Variants in PBK observed in about 807,000 individuals in gnomAD.
PBK encodes lymphokine-activated killer T-cell-originated protein kinase.
PBK carries 22 observed loss-of-function variants against 33.5 expected under a neutral mutation model. The observed-to-expected ratio is 0.66, with a 90% confidence interval of 0.47 to 0.94. PBK has a LOEUF of 0.94. PBK is among the 40% of genes least tolerant of loss of function. The pLI, the probability that PBK is intolerant of heterozygous loss-of-function variation, is 0.00. For synonymous variants in PBK, 129 were observed against 123.8 expected, an observed-to-expected ratio of 1.04 and a Z score of -0.28; for missense variants, 376 against 383.4, an observed-to-expected ratio of 0.98 and a Z score of 0.16.
Position 27,828,347 on chromosome 8 carries a change from T to C in PBK, c.59-149A>G, listed in dbSNP as rs1585433004. On this transcript the variant is annotated intron_variant, in intron 2 of 7. Transcript: ENST00000301905. Reference sequence around the variant, plus strand: ...CATATATCCTAATTTTAAATGGGTATCTTTTGACCAAGCCTACTTTTGGAG... The same window carrying C: ...CATATATCCTAATTTTAAATGGGTACCTTTTGACCAAGCCTACTTTTGGAG... The C allele has an allele frequency of 6.8e-6, 3 of 440,662 alleles. No homozygotes were observed. In the East Asian group the frequency reaches 1.0e-4, roughly 15 times the overall value. 27.3% of individuals were successfully genotyped at this position (440,662 alleles called of 1,614,324 possible). A position where few individuals can be genotyped will look rare whatever the true frequency, so the allele number is the denominator to read the frequency against.
Position 27,810,316 on chromosome 8 carries a change from T to C in PBK, c.958A>G (p.Thr320Ala). The part of the protein sequence containing the change: ...SAAHIVEALE[T>A]DV ...AGCTGAGATGATCACTAGACATCTG[T>C]TTCCAGAGCTTCAACAATGTGTGCA... The change falls in exon 8 of 8, where the codon ACA becomes GCA. Residue 320 changes from threonine (T) to alanine (A), a missense_variant. Physicochemically the swap from Thr to Ala is moderately conservative, Grantham distance 58. Transcript: ENST00000301905. The C allele has an allele frequency of 6.2e-7, 1 of 1,610,460 alleles. No homozygotes were observed. The highest frequency in any genetic ancestry group is 8.5e-7 in the Non-Finnish European group (1 of 1,176,872).
At chr8:27,814,103 A>G (rs554360338) in intron 6 of PBK, among the ~76,000 whole-genome samples, 26 of 152,026 alleles carry the variant, frequency 1.7e-4, no homozygotes, top group African/African-American at 5.8e-4. Flanking sequence ...TTATTCCTCT[A>G]TTTTCTGAAA....
chr8:27,810,392 A>C lies in PBK; in HGVS notation c.882T>G (p.Ile294Met). The C allele has an allele frequency of 6.2e-7, 1 of 1,609,260 alleles. No homozygotes were observed. The highest frequency in any genetic ancestry group is 8.5e-7 in the Non-Finnish European group (1 of 1,175,602). Reference protein sequence around the residue: ...EELDESYQKVIELFSVCTNED... With the variant: ...EELDESYQKVMELFSVCTNED... The stretch of plus-strand genomic sequence containing the variant: ...CATTAGTGCATACAGAGAAGAGTTC[A>C]ATTACTTTCTGGTATGATTCATCCA... Residue 294 changes from isoleucine (I) to methionine (M), a missense_variant, in exon 8 of 8, where the codon ATT becomes ATG. Physicochemically the swap from Ile to Met is conservative, Grantham distance 10. Coordinates refer to ENST00000301905, the MANE Select transcript of PBK (RefSeq NM_018492.4).
intron 5 of PBK, 40 bp from the exon 6 acceptor site, chr8:27,820,734 C>A: frequency 1.7e-6 from 2 of 1,190,100 alleles, no homozygotes; most frequent in Non-Finnish European, 2.4e-6. Context: ...TGCAGAAACA[C>A]AAACTAATAA....
intron 6 of PBK, among the ~76,000 whole-genome samples, chr8:27,812,997 G>T (rs1049630338): frequency 5.9e-5 from 9 of 152,160 alleles, no homozygotes; most frequent in African/African-American, 2.2e-4. Flanking sequence ...TAGAAATCAT[G>T]CTACTATAAA....
At position 27,810,517 on chromosome 8, in the gene PBK, G is replaced by T; in HGVS notation, c.773-16C>A. ...AAAGTTTTATCTTGAAGGAGTTAGA[G>T]ATTGAAACAATAAACAAAATCACTT... On this transcript the variant is annotated splice_polypyrimidine_tract_variant and intron_variant, in intron 7 of 7. Coordinates refer to ENST00000301905, the MANE Select transcript of PBK (RefSeq NM_018492.4). 1 of 1,496,822 alleles carries T rather than the reference G, an allele frequency of 6.7e-7. No individual in the cohort carries two copies. Among genetic ancestry groups the T allele is most frequent in the Non-Finnish European group, 9.2e-7 (1 of 1,084,018 alleles). 92.7% of individuals were successfully genotyped at this position (1,496,822 alleles called of 1,614,324 possible). A position where few individuals can be genotyped will look rare whatever the true frequency, so the allele number is the denominator to read the frequency against.
Position 27,811,096 on chromosome 8 carries a change from A to G in PBK, c.634T>C (p.Trp212Arg). 1.2e-6 allele frequency: 2 copies of G among 1,613,864 alleles called. No homozygotes were observed. The highest frequency in any genetic ancestry group is 1.1e-5 in the South Asian group (1 of 91,078). ...PEACYIGTEP[W>R]KPKEAVEENG... Reference sequence around the variant, plus strand: ...TCCTCCACAGCTTCTTTGGGTTTCCATGGCTCTGTGCCAATGTAACAAGCC... The same window carrying G: ...TCCTCCACAGCTTCTTTGGGTTTCCGTGGCTCTGTGCCAATGTAACAAGCC... The change falls in exon 7 of 8, where the codon TGG becomes CGG. Residue 212 changes from tryptophan to arginine, a missense_variant. Trp to Arg is a moderately radical substitution (Grantham distance 101, BLOSUM62 -3). Transcript: ENST00000301905.
chr8:27,821,699 T>C (rs1024602660), intron 5 of PBK, among the ~76,000 whole-genome samples: 1 of 152,194 alleles, frequency 6.6e-6, no homozygotes, highest in African/African-American at 2.4e-5. Flanking sequence ...TTTCAAAAGA[T>C]ACCACAATTT....
intron 3 of PBK, among the ~76,000 whole-genome samples, chr8:27,824,693 C>T (rs1176136184): frequency 6.6e-6 from 1 of 152,052 alleles, no homozygotes. Context: ...CAATCTTATA[C>T]AAACTGTTTC....
intron 7 of PBK, 140 bp downstream of exon 7, chr8:27,810,816 CTA>C (rs767410503): frequency 1.7e-5 from 11 of 649,890 alleles, no homozygotes; most frequent in Non-Finnish European, 2.9e-5. Context: ...TATTCTCAAT[CTA>C]TGTCTCATTT....
At chr8:27,812,757 A>G (rs2128961260) in intron 6 of PBK, 1 of 152,332 alleles carries the variant, frequency 6.6e-6, no homozygotes, top group South Asian at 2.1e-4. Flanking sequence ...ATGCAAATCA[A>G]AACCACAATG....
rs765614594 is a variant in PBK, at chr8:27,820,705, A to G, written c.466-11T>C. 1 of 1,480,224 alleles carries G rather than the reference A, an allele frequency of 6.8e-7. No homozygotes were observed. Among genetic ancestry groups the G allele is most frequent in the East Asian group, 2.3e-5 (1 of 43,706 alleles). 91.7% of individuals were successfully genotyped at this position (1,480,224 alleles called of 1,614,324 possible). ...TTCTTGGTGCAGATACTAAAATAGT[A>G]AAAAATTTAACACATATGTGCAGAA... On this transcript the variant is annotated splice_polypyrimidine_tract_variant and intron_variant, in intron 5 of 7. Transcript: ENST00000301905.
chr8:27,826,500 G>A (rs1485144220), intron 3 of PBK, among the ~76,000 whole-genome samples: 1 of 108,918 alleles, frequency 9.2e-6, no homozygotes, highest in African/African-American at 4.3e-5. Context: ...CAGGAGGAGT[G>A]TAGGGTCAGG....
chr8:27,810,235 G>A lies in PBK; in HGVS notation c.*70C>T. On this transcript the variant is annotated 3_prime_UTR_variant, in exon 8 of 8. Transcript: ENST00000301905. ...CCAATTTTAGAGTCTAATAACTACT[G>A]ATAGTAACTATGTAAATATTTTGGA... The A allele has an allele frequency of 4.8e-6, 5 of 1,043,088 alleles. No individual in the cohort carries two copies. Among genetic ancestry groups the A allele is most frequent in the South Asian group, 4.0e-5 (3 of 74,648 alleles). 64.6% of individuals were successfully genotyped at this position (1,043,088 alleles called of 1,614,324 possible). A position where few individuals can be genotyped will look rare whatever the true frequency, so the allele number is the denominator to read the frequency against.
rs1805855133 is a variant in PBK, at chr8:27,818,205, G to C, written c.595+2360C>G. Among the ~76,000 whole-genome samples, 3 of 152,250 alleles carry C rather than the reference G, an allele frequency of 2.0e-5. No individual in the cohort carries two copies. The South Asian group carries it at 6.2e-4, about 32-fold the overall frequency. ...TGTTGTAAGTCACTGAAGTTTTTGA[G>C]GTCTGTGTTACCACAGCAAAACCTA... is the stretch of plus-strand genomic sequence containing the variant. On this transcript the variant is annotated intron_variant, in intron 6 of 7. Transcript: ENST00000301905.
At chr8:27,831,036 AG>A (rs1427558499) in intron 2 of PBK, among the ~76,000 whole-genome samples, 1 of 152,212 alleles carries the variant, frequency 6.6e-6, no homozygotes, top group Non-Finnish European at 1.5e-5. Flanking sequence ...ATCCTAGGCC[AG>A]GCATGGTAAT....
chr8:27,812,837 T>A (rs1448985855), intron 6 of PBK, among the ~76,000 whole-genome samples: 2 of 152,118 alleles, frequency 1.3e-5, no homozygotes, highest in Non-Finnish European at 2.9e-5. Flanking sequence ...CTGGAGAGGA[T>A]GTGGAGAAAT....
chr8:27,810,288 T>A lies in PBK; in HGVS notation c.*17A>T. ...AAACAGTTATTTACGCAAGCCACAC[T>A]TCAGCTGAGATGATCACTAGACATC... On this transcript the variant is annotated 3_prime_UTR_variant, in exon 8 of 8. Coordinates refer to ENST00000301905, the MANE Select transcript of PBK (RefSeq NM_018492.4). 6.4e-7 allele frequency: 1 copy of A among 1,570,858 alleles called. No homozygotes were observed. Among genetic ancestry groups the A allele is most frequent in the Non-Finnish European group, 8.8e-7 (1 of 1,142,554 alleles).
chr8:27,826,100 G>A (rs924212430), intron 3 of PBK, among the ~76,000 whole-genome samples: 2 of 151,982 alleles, frequency 1.3e-5, no homozygotes, highest in African/African-American at 4.8e-5. Flanking sequence ...AACATAAAAC[G>A]GATTACATAT....
Sources: gnomAD v4.1 joint callset for allele counts (sites outside exome capture counted in the v4.1 genomes callset) on GRCh38, gnomAD v4.1.1 for gene constraint, MANE v1.5 for transcripts, NCBI Gene and HGNC (gene_info 2026-07-23, HGNC 2026-07-21) for gene names.